The following SH3GL3 variants were observed in gnomAD, a reference collection of about 807,000 sequenced individuals.
SH3GL3 encodes SH3 domain containing GRB2 like 3, endophilin A3.
SH3GL3 carries 33 observed loss-of-function variants against 47.7 expected under a neutral mutation model. The observed-to-expected ratio is 0.69, with a 90% CI of 0.52 to 0.92. The LOEUF (loss-of-function observed/expected upper bound fraction) is 0.92. SH3GL3 is among the 40% of genes least tolerant of loss of function. The probability of loss-of-function intolerance (pLI) is 0.00; values close to 1 mark genes in which losing one functional copy is unlikely to be tolerated. For synonymous variants in SH3GL3, 155 were observed against 148.8 expected (o/e 1.04, Z -0.30); for missense variants, 363 against 417.8 (o/e 0.87, Z 1.14).
intron 1 of SH3GL3, among the ~76,000 whole-genome samples, chr15:83,521,221 G>T (rs748981194): frequency 6.6e-6 from 1 of 152,162 alleles, no homozygotes; most frequent in Non-Finnish European, 1.5e-5. Flanking sequence ...AAAACAAACC[G>T]TAGAGCAAAG....
chr15:83,613,001 G>C (rs1013584637), intron 8 of SH3GL3, among the ~76,000 whole-genome samples: 1 of 152,212 alleles, frequency 6.6e-6, no homozygotes, highest in Non-Finnish European at 1.5e-5. Flanking sequence ...TTCATGTCTG[G>C]GTTCCACCCT....
chr15:83,607,840 A>AAATAATAAT (rs60113695), intron 8 of SH3GL3, among the ~76,000 whole-genome samples: 14,021 of 142,792 alleles, frequency 0.098, 758 homozygotes, highest in South Asian at 0.15. Flanking sequence ...TCAGAGTGGC[A>AAATAATAAT]AATAATAATA....
intron 1 of SH3GL3, among the ~76,000 whole-genome samples, chr15:83,555,804 G>A (rs1433372278): frequency 2.0e-5 from 3 of 152,316 alleles, no homozygotes; most frequent in Admixed American, 2.0e-4. Flanking sequence ...CAGACTGCTG[G>A]CTGTCATAGC....
chr15:83,592,120 A>C (rs1225031247), intron 8 of SH3GL3, among the ~76,000 whole-genome samples: 1 of 152,060 alleles, frequency 6.6e-6, no homozygotes, highest in Non-Finnish European at 1.5e-5. Context: ...ACTTAACTTC[A>C]TGGTGCTTGT....
At chr15:83,617,982 C>A (rs1220258007) in intron 8 of SH3GL3, 100 bp from the exon 9 acceptor site, 1 of 790,730 alleles carries the variant, frequency 1.3e-6, no homozygotes, top group African/African-American at 1.7e-5. Flanking sequence ...GAAGCAAGGC[C>A]TGCTGTTAAG....
At chr15:83,482,888 C>T (rs1341096159) in intron 1 of SH3GL3, among the ~76,000 whole-genome samples, 2 of 152,098 alleles carry the variant, frequency 1.3e-5, no homozygotes, top group East Asian at 3.8e-4. Context: ...CTATGCTATA[C>T]CATTTTTAAT....
At chr15:83,463,758 T>G (rs1162104104) in intron 1 of SH3GL3, among the ~76,000 whole-genome samples, 5 of 143,474 alleles carry the variant, frequency 3.5e-5, no homozygotes, top group Non-Finnish European at 7.5e-5. Context: ...ATGTCTGCTT[T>G]CTTTCTTTCT....
At chr15:83,633,536 C>T in the SH3GL3 span, among the ~76,000 whole-genome samples, 1 of 152,102 alleles carries the variant, frequency 6.6e-6, no homozygotes. Flanking sequence ...CCATGGTATG[C>T]CCGCTATGAA....
chr15:83,630,131 C>A, the SH3GL3 span, among the ~76,000 whole-genome samples: 1 of 152,172 alleles, frequency 6.6e-6, no homozygotes, highest in Non-Finnish European at 1.5e-5. Context: ...TGACTTTGCT[C>A]CTGATTTGCG....
rs942776584 is a variant in SH3GL3, at chr15:83,604,236, GTATAT to G, written c.839-13839_839-13835del. 3.3e-5 allele frequency among the ~76,000 whole-genome samples: 5 copies of G among 152,226 alleles called. No homozygotes were observed. The South Asian group carries it at 8.3e-4, about 25-fold the overall frequency. ...CCTCAGCCTCCCTCCTTCAATGCCAGTATATTATATTTGAGGAAATGAGAACCCAG... is the reference window on the plus strand; with the variant it reads ...CCTCAGCCTCCCTCCTTCAATGCCAGTATATTTGAGGAAATGAGAACCCAG... On this transcript the variant is annotated intron_variant, in intron 8 of 8. Transcript: ENST00000427482.
chr15:83,576,670 C>G lies in SH3GL3; in HGVS notation c.553C>G (p.Gln185Glu), dbSNP rs762317932. ...VGKIPDEEVR[Q>E]AVEKFEESKE... ...TAAGATACCAGACGAAGAAGTCAGA[C>G]AAGCGGTAGAAAAATTTGAAGAGTC... Residue 185 changes from glutamine (Q) to glutamate (E), a missense_variant, in exon 6 of 9, where the codon CAA becomes GAA. Transcript: ENST00000427482. 2 of 1,613,496 alleles carry G rather than the reference C, an allele frequency of 1.2e-6. No homozygotes were observed. The highest frequency in any genetic ancestry group is 3.3e-5 in the Admixed American group (2 of 60,002).
intron 1 of SH3GL3, among the ~76,000 whole-genome samples, chr15:83,557,520 C>T (rs1448169792): frequency 6.6e-6 from 1 of 152,136 alleles, no homozygotes; most frequent in African/African-American, 2.4e-5. Context: ...AAAGCAATAC[C>T]GTTTATTGGA....
At chr15:83,572,028 G>A (rs972585555) in intron 4 of SH3GL3, among the ~76,000 whole-genome samples, 1 of 152,170 alleles carries the variant, frequency 6.6e-6, no homozygotes, top group African/African-American at 2.4e-5. Flanking sequence ...TGTCCCATGT[G>A]ACACTGGCAG....
intron 1 of SH3GL3, among the ~76,000 whole-genome samples, chr15:83,524,665 C>T (rs895643579): frequency 1.6e-4 from 24 of 151,908 alleles, no homozygotes; most frequent in Middle Eastern, 3.2e-3. Flanking sequence ...CATCCCCTCA[C>T]CCCGCAACAC....
chr15:83,450,970 C>T (rs56820916), intron 1 of SH3GL3, among the ~76,000 whole-genome samples: 18,418 of 112,678 alleles, frequency 0.16, 1,856 homozygotes, highest in South Asian at 0.43. Context: ...CCGACCCCAC[C>T]ACAGTCTCCA....
At chr15:83,507,335 C>T (rs1249756829) in intron 1 of SH3GL3, among the ~76,000 whole-genome samples, 1 of 151,538 alleles carries the variant, frequency 6.6e-6, no homozygotes, top group Non-Finnish European at 1.5e-5. Flanking sequence ...AATGAATGAT[C>T]TTTACTGATA....
intron 6 of SH3GL3, among the ~76,000 whole-genome samples, chr15:83,582,386 C>G (rs1176071504): frequency 6.6e-6 from 1 of 152,054 alleles, no homozygotes. Context: ...TTCCTGAGGT[C>G]TTTCCATTGG....
chr15:83,593,049 G>A (rs2060149037), intron 8 of SH3GL3, among the ~76,000 whole-genome samples: 1 of 152,152 alleles, frequency 6.6e-6, no homozygotes, highest in African/African-American at 2.4e-5. Flanking sequence ...ATCACATAGT[G>A]CACTATCATT....
chr15:83,581,811 T>G (rs1472485871), intron 6 of SH3GL3, among the ~76,000 whole-genome samples: 1 of 152,232 alleles, frequency 6.6e-6, no homozygotes, highest in African/African-American at 2.4e-5. Flanking sequence ...GGCCCCACAC[T>G]GTAGCCTTTG....
Sources: allele counts gnomAD v4.1 joint callset (sites outside exome capture counted in the v4.1 genomes callset), GRCh38; gene constraint gnomAD v4.1.1; transcripts MANE v1.5; gene names NCBI Gene and HGNC (gene_info 2026-07-23, HGNC 2026-07-21).